Variants in OPHN1 observed in about 807,000 individuals in gnomAD.
OPHN1 encodes the protein oligophrenin 1.
OPHN1 carries 11 observed loss-of-function variants against 60.7 expected under a neutral mutation model. The observed-to-expected ratio is 0.18, with a 90% CI of 0.11 to 0.30. OPHN1 has a LOEUF of 0.30. Among genes scored for constraint, OPHN1 ranks in the 10% least tolerant of loss-of-function variants. The pLI, the probability that OPHN1 is intolerant of heterozygous loss-of-function variation, is 1.00. For synonymous variants in OPHN1, 226 were observed against 222.6 expected, an observed-to-expected ratio of 1.02 and a Z score of -0.14; for missense variants, 449 against 611.0, an observed-to-expected ratio of 0.73 and a Z score of 2.80.
chrX:68,408,673 G>A (rs1192775841), intron 2 of OPHN1, among the ~76,000 whole-genome samples: 1 of 112,858 alleles, frequency 8.9e-6, no homozygotes, highest in Non-Finnish European at 1.9e-5. Flanking sequence ...ATTCTACTTA[G>A]CAACTGGGCC....
intron 20 of OPHN1, chrX:68,070,849 G>A: frequency 8.5e-7 from 1 of 1,177,444 alleles, no homozygotes. Flanking sequence ...CATTCAGCCA[G>A]CAGGTATGCC....
chrX:68,257,042 A>T (rs866845497), intron 5 of OPHN1, among the ~76,000 whole-genome samples: 9 of 102,826 alleles, frequency 8.8e-5, no homozygotes, highest in East Asian at 3.1e-4. Context: ...AAAAAAAATT[A>T]AAAAAAAAAA....
intron 2 of OPHN1, among the ~76,000 whole-genome samples, chrX:68,431,464 T>C (rs1380241649): frequency 8.9e-6 from 1 of 112,263 alleles, no homozygotes; most frequent in East Asian, 2.8e-4. Flanking sequence ...TTGCCCAGGC[T>C]GTAGTGCAAT....
intron 18 of OPHN1, 102 bp from the exon 19 acceptor site, chrX:68,097,131 A>G (rs1287485528): frequency 2.6e-6 from 2 of 764,792 alleles, no homozygotes; most frequent in Non-Finnish European, 3.7e-6. Flanking sequence ...ACTAAAATGT[A>G]GAAGGAAAGG....
chrX:68,317,985 G>A (rs754129784), intron 2 of OPHN1, among the ~76,000 whole-genome samples: 73 of 111,830 alleles, frequency 6.5e-4, no homozygotes, highest in African/African-American at 2.0e-3. Context: ...ATTTCAAAGC[G>A]TCTGTATTTC....
chrX:68,133,728 G>A (rs1333524597), intron 15 of OPHN1, among the ~76,000 whole-genome samples: 1 of 111,821 alleles, frequency 8.9e-6, no homozygotes, highest in Admixed American at 9.5e-5. Flanking sequence ...GCCTTCAGTG[G>A]CACTCAACAA....
intron 15 of OPHN1, among the ~76,000 whole-genome samples, chrX:68,186,621 T>C (rs1053345018): frequency 6.3e-5 from 7 of 111,708 alleles, no homozygotes; most frequent in Admixed American, 3.8e-4. Context: ...CATGGTATCT[T>C]AGTCATTTCA....
chrX:68,424,452 A>T (rs1344452623), intron 2 of OPHN1, among the ~76,000 whole-genome samples: 1 of 111,068 alleles, frequency 9.0e-6, no homozygotes, highest in South Asian at 3.8e-4. Flanking sequence ...GTAAAGGATC[A>T]TGAGGGCCTT....
chrX:68,118,795 A>C (rs888482385), intron 16 of OPHN1, among the ~76,000 whole-genome samples: 2 of 111,150 alleles, frequency 1.8e-5, no homozygotes, highest in African/African-American at 6.5e-5. Context: ...TTTTATTTCC[A>C]TTACCTGGAT....
chrX:68,258,588 T>C (rs998509019), intron 5 of OPHN1, among the ~76,000 whole-genome samples: 2 of 109,046 alleles, frequency 1.8e-5, no homozygotes, highest in Non-Finnish European at 3.8e-5. Context: ...ACAAAGGACA[T>C]GAACTCATCA....
At chrX:68,124,177 G>C (rs375292969) in intron 15 of OPHN1, among the ~76,000 whole-genome samples, 1 of 111,105 alleles carries the variant, frequency 9.0e-6, no homozygotes, top group Admixed American at 9.5e-5. Flanking sequence ...TCGTATTGAT[G>C]AAATCCCTCA....
At chrX:68,359,634 A>C (rs2078460254) in intron 2 of OPHN1, among the ~76,000 whole-genome samples, 1 of 109,967 alleles carries the variant, frequency 9.1e-6, no homozygotes, top group Admixed American at 9.8e-5. Flanking sequence ...AGGTGGGCGG[A>C]TCACGAGGTC....
intron 2 of OPHN1, among the ~76,000 whole-genome samples, chrX:68,406,105 G>A (rs1439515615): frequency 2.8e-5 from 3 of 107,134 alleles, no homozygotes; most frequent in South Asian, 8.4e-4. Context: ...CTGAGATCAC[G>A]CCACTGAACT....
intron 6 of OPHN1, among the ~76,000 whole-genome samples, chrX:68,217,426 C>T (rs779966260): frequency 1.8e-5 from 2 of 112,105 alleles, no homozygotes; most frequent in South Asian, 7.5e-4. Flanking sequence ...TGGAGCCCAC[C>T]ACAGCTCAAG....
At chrX:68,267,815 G>A (rs2077940447) in intron 5 of OPHN1, among the ~76,000 whole-genome samples, 1 of 111,086 alleles carries the variant, frequency 9.0e-6, no homozygotes, top group South Asian at 3.8e-4. Context: ...AAAGAGAGAA[G>A]TATCAAATAG....
At chrX:68,163,396 CTT>C (rs2077343870) in intron 15 of OPHN1, among the ~76,000 whole-genome samples, 1 of 106,510 alleles carries the variant, frequency 9.4e-6, no homozygotes, top group African/African-American at 3.4e-5. Context: ...TGGCACATCT[CTT>C]TCTTTTTTAA....
chrX:68,085,638 G>A (rs1189707188), intron 19 of OPHN1, among the ~76,000 whole-genome samples: 1 of 111,775 alleles, frequency 8.9e-6, no homozygotes, highest in Non-Finnish European at 1.9e-5. Flanking sequence ...GGCAACTTGC[G>A]GAAAACTCCA....
intron 5 of OPHN1, among the ~76,000 whole-genome samples, chrX:68,264,579 A>G (rs2077912462): frequency 8.9e-6 from 1 of 112,105 alleles, no homozygotes; most frequent in African/African-American, 3.2e-5. Flanking sequence ...GAACAGCTCC[A>G]GTCTACAGCT....
At chrX:68,289,803 T>TA (rs1374653920) in intron 3 of OPHN1, among the ~76,000 whole-genome samples, 2 of 112,716 alleles carry the variant, frequency 1.8e-5, no homozygotes, top group African/African-American at 6.4e-5. Context: ...TGAAAACACA[T>TA]AAAATGTCCA....
Sources: allele counts gnomAD v4.1 joint callset (sites outside exome capture counted in the v4.1 genomes callset), GRCh38; gene constraint gnomAD v4.1.1; transcripts MANE v1.5; gene names NCBI Gene and HGNC (gene_info 2026-07-23, HGNC 2026-07-21).